Variants in TACC2 observed in about 807,000 individuals in gnomAD.
The protein encoded by TACC2 is transforming acidic coiled-coil-containing protein 2.
Under a neutral mutation model 227.3 loss-of-function variants are expected in TACC2, and 137 were observed. The observed-to-expected ratio is 0.60, with a 90% CI of 0.52 to 0.69. The LOEUF (loss-of-function observed/expected upper bound fraction) is 0.69, where lower values mean the gene tolerates loss of function less well. TACC2 is among the 30% of genes least tolerant of loss of function. The pLI is 0.00. For synonymous variants in TACC2, 1,523 were observed against 1,487.5 expected, an observed-to-expected ratio of 1.02 and a Z score of -0.55; for missense variants, 3,470 against 3,694.4, an observed-to-expected ratio of 0.94 and a Z score of 1.57.
chr10:122,109,194 C>T (rs529501785), intron 5 of TACC2, among the ~76,000 whole-genome samples: 1 of 152,154 alleles, frequency 6.6e-6, no homozygotes, highest in Admixed American at 6.5e-5. Flanking sequence ...ATTGCTGGAT[C>T]GAATGGTAGA....
chr10:122,143,713 C>T lies in TACC2; in HGVS notation c.5834+7C>T, dbSNP rs200055931. 9.8e-4 allele frequency: 1,574 copies of T among 1,612,880 alleles called. 24 individuals are homozygous for T. In the South Asian group the frequency reaches 0.016, roughly 17 times the overall value. On this transcript the variant is annotated splice_region_variant and intron_variant, in intron 7 of 22. Transcript: ENST00000369005. The stretch of plus-strand genomic sequence containing the variant: ...CGGCCAAGGACCTCAGCAGGTATTG[C>T]GCAAGTCCCCCTCCACAGCACCTGC...
chr10:122,009,419 G>T (rs533388804), intron 1 of TACC2, among the ~76,000 whole-genome samples: 17 of 151,998 alleles, frequency 1.1e-4, no homozygotes, highest in Non-Finnish European at 1.8e-4. Context: ...CAGGAGAATC[G>T]CTCAAATCTG....
intron 16 of TACC2, 39 bp downstream of exon 16, chr10:122,230,479 G>A (rs1309501971): frequency 6.3e-7 from 1 of 1,575,878 alleles, no homozygotes; most frequent in South Asian, 1.1e-5. Flanking sequence ...TCCTGAGAAT[G>A]TCATGTGTGC....
At chr10:122,101,284 T>C (rs1040196240) in intron 5 of TACC2, among the ~76,000 whole-genome samples, 25 of 152,182 alleles carry the variant, frequency 1.6e-4, no homozygotes, top group African/African-American at 6.0e-4. Context: ...CTGGAAATGC[T>C]TGACCAGAGC....
chr10:122,142,044 C>T (rs893158750), intron 6 of TACC2, among the ~76,000 whole-genome samples: 3 of 152,240 alleles, frequency 2.0e-5, no homozygotes, highest in Non-Finnish European at 4.4e-5. Context: ...CAAATTGTTG[C>T]AAATAATAGT....
chr10:122,119,763 T>C (rs2085357668), intron 5 of TACC2, among the ~76,000 whole-genome samples: 1 of 152,030 alleles, frequency 6.6e-6, no homozygotes, highest in Non-Finnish European at 1.5e-5. Context: ...AAAATATAAA[T>C]GTTAGCTGGA....
intron 1 of TACC2, among the ~76,000 whole-genome samples, chr10:122,020,472 A>G (rs1957196309): frequency 6.6e-6 from 1 of 152,146 alleles, no homozygotes; most frequent in South Asian, 2.1e-4. Context: ...GGCCTGTTTG[A>G]ACCACTTCCA....
intron 7 of TACC2, 39 bp from the exon 8 acceptor site, chr10:122,195,001 G>A: frequency 6.4e-7 from 1 of 1,569,032 alleles, no homozygotes; most frequent in Middle Eastern, 1.7e-4. Context: ...AACTGGCTCT[G>A]GGCCCCTGTC....
intron 14 of TACC2, among the ~76,000 whole-genome samples, chr10:122,228,367 A>G (rs772436781): frequency 2.0e-5 from 3 of 151,936 alleles, no homozygotes; most frequent in Non-Finnish European, 4.4e-5. Context: ...CTTTTTTGGG[A>G]AACAGTTAGT....
At chr10:122,120,885 C>T (rs1489776781) in intron 5 of TACC2, among the ~76,000 whole-genome samples, 2 of 152,172 alleles carry the variant, frequency 1.3e-5, no homozygotes, top group South Asian at 2.1e-4. Context: ...CCTGCCTCAG[C>T]CTCCCGAGTA....
intron 9 of TACC2, among the ~76,000 whole-genome samples, chr10:122,214,924 C>T (rs780315168): frequency 1.3e-5 from 2 of 152,014 alleles, no homozygotes; most frequent in Non-Finnish European, 2.9e-5. Context: ...TTGAGGACCC[C>T]GAACTTTCTA....
At chr10:122,004,748 T>C (rs1401302996) in intron 1 of TACC2, among the ~76,000 whole-genome samples, 1 of 152,210 alleles carries the variant, frequency 6.6e-6, no homozygotes, top group Non-Finnish European at 1.5e-5. Context: ...TAAGTAGTAA[T>C]AAAACTGGCT....
At chr10:122,139,099 G>T (rs753647582) in intron 6 of TACC2, among the ~76,000 whole-genome samples, 1 of 152,220 alleles carries the variant, frequency 6.6e-6, no homozygotes, top group South Asian at 2.1e-4. Context: ...CTCGCCTATG[G>T]TTTTGGGATG....
intron 7 of TACC2, among the ~76,000 whole-genome samples, chr10:122,177,329 G>A (rs927428): frequency 0.073 from 11,191 of 152,266 alleles, 548 homozygotes; most frequent in African/African-American, 0.15. Context: ...GGAACAGAGA[G>A]AAAGTCAACT....
chr10:122,229,939 A>G (rs2095704528), intron 15 of TACC2, among the ~76,000 whole-genome samples: 1 of 152,208 alleles, frequency 6.6e-6, no homozygotes, highest in African/African-American at 2.4e-5. Context: ...ACTTAATTTG[A>G]TATCCTCTAG....
At chr10:122,198,132 T>G (rs1262747553) in intron 8 of TACC2, among the ~76,000 whole-genome samples, 1 of 152,202 alleles carries the variant, frequency 6.6e-6, no homozygotes. Context: ...AAGCACTCAC[T>G]TGCCCTACAT....
chr10:122,185,021 C>CTT lies in TACC2; in HGVS notation c.5835-9996_5835-9995dup, dbSNP rs34148046. On this transcript the variant is annotated intron_variant, in intron 7 of 22. Coordinates refer to ENST00000369005, the MANE Select transcript of TACC2 (RefSeq NM_206862.4). Reference sequence around the variant, plus strand: ...TTTTCCGTCTCCTCTGTCACTTATTCTTTTTTTTTTTTTTTTTTTTTTTTA... The same window carrying CTT: ...TTTTCCGTCTCCTCTGTCACTTATTCTTTTTTTTTTTTTTTTTTTTTTTTTTA... Among the ~76,000 whole-genome samples, 70 of 95,302 alleles carry CTT rather than the reference C, an allele frequency of 7.3e-4. 2 individuals are homozygous for CTT. The highest frequency in any genetic ancestry group is 1.8e-3 in the Admixed American group (16 of 8,768). 62.5% of individuals were successfully genotyped at this position (95,302 alleles called of 152,430 possible). A position where few individuals can be genotyped will look rare whatever the true frequency, so the allele number is the denominator to read the frequency against.
intron 11 of TACC2, among the ~76,000 whole-genome samples, chr10:122,219,030 A>AAAAAAAAAAAG (rs2095470506): frequency 7.0e-6 from 1 of 143,846 alleles, no homozygotes; most frequent in Non-Finnish European, 1.5e-5. Context: ...AAAAAAAAAA[A>AAAAAAAAAAAG]AAAAAGAAAA....
chr10:122,226,397 T>C lies in TACC2; in HGVS notation c.7640T>C (p.Leu2547Ser). The C allele has an allele frequency of 1.2e-6, 2 of 1,614,108 alleles. No individual in the cohort carries two copies. Among genetic ancestry groups the C allele is most frequent in the Non-Finnish European group, 1.7e-6 (2 of 1,180,018 alleles). Reference protein sequence around the residue: ...QDDDAPKKQALYLMFDTSQES... With the variant: ...QDDDAPKKQASYLMFDTSQES... ...GACGATGCCCCGAAGAAGCAGGCCTTGTACCTTATGTTTGACACTTCTCAG... is the reference window on the plus strand; with the variant it reads ...GACGATGCCCCGAAGAAGCAGGCCTCGTACCTTATGTTTGACACTTCTCAG... Residue 2547 changes from leucine (L) to serine (S), a missense_variant, in exon 13 of 23, where the codon TTG becomes TCG. Leu to Ser is a moderately radical substitution (Grantham distance 145). Around this residue, in one of 10 missense-constraint regions of TACC2, gnomAD observed 345 missense variants for 354.4 expected, o/e 0.97. Coordinates refer to ENST00000369005, the MANE Select transcript of TACC2 (RefSeq NM_206862.4).
Sources: gnomAD v4.1 joint callset for allele counts (sites outside exome capture counted in the v4.1 genomes callset) on GRCh38, gnomAD v4.1.1 for gene constraint, gnomAD v4.1.1 regional missense constraint, MANE v1.5 for transcripts, NCBI Gene and HGNC (gene_info 2026-07-23, HGNC 2026-07-21) for gene names.